STIM1: variants seen among roughly 807,000 people sequenced by gnomAD.
The protein encoded by STIM1 is stromal interaction molecule 1.
In STIM1, 25 loss-of-function variants were observed where a neutral mutation model predicts 74.7. That is an observed-to-expected ratio of 0.33 (90% CI 0.24 to 0.47). The LOEUF (loss-of-function observed/expected upper bound fraction) is 0.47. Among genes scored for constraint, STIM1 ranks in the 20% least tolerant of loss-of-function variants. The pLI, the probability that STIM1 is intolerant of heterozygous loss-of-function variation, is 1.00. For missense variants in STIM1, 728 were observed against 920.8 expected (o/e 0.79, Z 2.71); for synonymous variants, 328 against 348.8 (o/e 0.94, Z 0.66).
At chr11:3,990,923 G>A (rs1035530020) in intron 2 of STIM1, among the ~76,000 whole-genome samples, 3 of 152,100 alleles carry the variant, frequency 2.0e-5, no homozygotes, top group Non-Finnish European at 4.4e-5. Flanking sequence ...GATAGTGACC[G>A]TAGCATCCAA....
At chr11:3,993,677 A>AT (rs2093635553) in intron 2 of STIM1, among the ~76,000 whole-genome samples, 1 of 152,060 alleles carries the variant, frequency 6.6e-6, no homozygotes, top group African/African-American at 2.4e-5. Context: ...AAACGAAACA[A>AT]AAACCCCAAA....
At chr11:3,923,209 C>T (rs1028771706) in intron 1 of STIM1, among the ~76,000 whole-genome samples, 1 of 152,014 alleles carries the variant, frequency 6.6e-6, no homozygotes, top group South Asian at 2.1e-4. Context: ...GTTAGATCTG[C>T]AATCCATCTG....
chr11:3,883,452 C>G (rs938918017), intron 1 of STIM1, among the ~76,000 whole-genome samples: 4 of 152,214 alleles, frequency 2.6e-5, no homozygotes, highest in Admixed American at 1.3e-4. Context: ...GCCTTCCGTT[C>G]AAGCAGTTCT....
chr11:4,006,698 G>A (rs902332247), intron 2 of STIM1, among the ~76,000 whole-genome samples: 1 of 152,206 alleles, frequency 6.6e-6, no homozygotes, highest in Non-Finnish European at 1.5e-5. Flanking sequence ...ACAGGTGTGA[G>A]CCACTGTGCC....
intron 1 of STIM1, among the ~76,000 whole-genome samples, chr11:3,954,701 G>A (rs1012987738): frequency 1.3e-5 from 2 of 152,154 alleles, no homozygotes; most frequent in Admixed American, 6.5e-5. Context: ...CTTCCATACC[G>A]AAAGAATTCT....
intron 1 of STIM1, among the ~76,000 whole-genome samples, chr11:3,962,229 G>A (rs184402139): frequency 2.0e-4 from 30 of 152,074 alleles, no homozygotes; most frequent in African/African-American, 4.8e-4. Flanking sequence ...GTCCCTTACC[G>A]TCCTCCCCCA....
intron 1 of STIM1, among the ~76,000 whole-genome samples, chr11:3,954,357 C>T (rs1002919138): frequency 6.6e-6 from 1 of 152,062 alleles, no homozygotes; most frequent in African/African-American, 2.4e-5. Context: ...TTTGTTTGTT[C>T]GTTCAACAAA....
At chr11:4,025,926 A>G (rs759887742) in intron 3 of STIM1, among the ~76,000 whole-genome samples, 7 of 152,190 alleles carry the variant, frequency 4.6e-5, no homozygotes, top group African/African-American at 1.7e-4. Context: ...CAGCTGAGAA[A>G]TGATATATAT....
intron 4 of STIM1, chr11:4,058,929 A>G: frequency 1.1e-5 from 12 of 1,131,202 alleles, no homozygotes; most frequent in Non-Finnish European, 1.3e-5. Flanking sequence ...CAGGAAATGC[A>G]TTTATAAATG....
At chr11:4,010,792 C>T (rs2093828180) in intron 2 of STIM1, among the ~76,000 whole-genome samples, 2 of 152,074 alleles carry the variant, frequency 1.3e-5, no homozygotes, top group Non-Finnish European at 2.9e-5. Flanking sequence ...CATAGGTATA[C>T]ATATGCCATG....
intron 3 of STIM1, among the ~76,000 whole-genome samples, chr11:4,024,734 A>T (rs971004396): frequency 8.5e-5 from 13 of 152,182 alleles, no homozygotes; most frequent in African/African-American, 2.9e-4. Flanking sequence ...CTACTGACCC[A>T]TGTTGAGCTT....
chr11:3,872,395 A>G (rs2091134510), intron 1 of STIM1, among the ~76,000 whole-genome samples: 1 of 152,176 alleles, frequency 6.6e-6, no homozygotes, highest in Non-Finnish European at 1.5e-5. Context: ...GTGTGGCTAC[A>G]CTGGCATTAC....
At chr11:4,014,245 T>C (rs1198802642) in intron 2 of STIM1, among the ~76,000 whole-genome samples, 13 of 152,234 alleles carry the variant, frequency 8.5e-5, no homozygotes, top group Admixed American at 8.5e-4. Flanking sequence ...TTCTGGTATG[T>C]TGTGTCTTTG....
intron 1 of STIM1, among the ~76,000 whole-genome samples, chr11:3,883,319 T>C (rs1565100377): frequency 6.6e-6 from 1 of 152,340 alleles, no homozygotes; most frequent in Non-Finnish European, 1.5e-5. Context: ...CTCCCTTCTA[T>C]GAACATCTCT....
chr11:3,919,427 A>G lies in STIM1; in HGVS notation c.140-48125A>G, dbSNP rs182994770. On this transcript the variant is annotated intron_variant, in intron 1 of 12. Coordinates refer to ENST00000526596, the MANE Select transcript of STIM1 (RefSeq NM_001382567.1). The stretch of plus-strand genomic sequence containing the variant: ...ACCATCTTGGCCAGGCTGGTCTCGA[A>G]CTCCTGACCTCAGGTGATCCACCTG... Among the ~76,000 whole-genome samples, 1,437 of 151,810 alleles carry G rather than the reference A, an allele frequency of 9.5e-3. 26 individuals carry two copies. The highest frequency in any genetic ancestry group is 0.033 in the African/African-American group (1,361 of 41,396).
rs768957704 is a variant in STIM1, at chr11:4,092,572, T to TC, written c.*779dup. 6.5e-6 allele frequency: 1 copy of TC among 152,714 alleles called. No homozygotes were observed. The highest frequency in any genetic ancestry group is 1.5e-5 in the Non-Finnish European group (1 of 68,542). 9.5% of individuals were successfully genotyped at this position (152,714 alleles called of 1,614,324 possible). On this transcript the variant is annotated 3_prime_UTR_variant, in exon 13 of 13. Coordinates refer to ENST00000526596, the MANE Select transcript of STIM1 (RefSeq NM_001382567.1). ...ACACCTGCCTCCCTCTTACCCCTGC[T>TC]CCCCCACACTGCAGGAGGATTTGTC...
intron 2 of STIM1, among the ~76,000 whole-genome samples, chr11:3,975,312 C>T (rs575302274): frequency 7.6e-4 from 115 of 152,186 alleles, no homozygotes; most frequent in Non-Finnish European, 1.3e-3. Flanking sequence ...TCTCAAAACT[C>T]GACAATAGAA....
Position 4,084,655 on chromosome 11 carries a change from C to T in STIM1, c.1475-18C>T, listed in dbSNP as rs1344222650. ...AAATCAGATTCTCTTCTCCTTTTGG[C>T]CTGGCTGTTGACCCTAGATGCTGCC... On this transcript the variant is annotated intron_variant, in intron 10 of 12. Coordinates refer to ENST00000526596, the MANE Select transcript of STIM1 (RefSeq NM_001382567.1). The T allele has an allele frequency of 1.6e-6, 2 of 1,288,870 alleles. No homozygotes were observed. Among genetic ancestry groups the T allele is most frequent in the Non-Finnish European group, 2.0e-6 (2 of 988,526 alleles). 79.8% of individuals were successfully genotyped at this position (1,288,870 alleles called of 1,614,324 possible).
rs187791162 is a variant in STIM1, at chr11:3,906,831, C to T, written c.139+50422C>T. On this transcript the variant is annotated intron_variant, in intron 1 of 12. Transcript: ENST00000526596. ...AAGCAATAAGTAGATGTCTTACCAT[C>T]GATAAGATAACAATCTTTTAAGATA... Among the ~76,000 whole-genome samples, 616 of 152,084 alleles carry T rather than the reference C, an allele frequency of 4.1e-3. 1 individual carries two copies. The highest frequency in any genetic ancestry group is 0.014 in the African/African-American group (591 of 41,458).
Sources: allele counts gnomAD v4.1 joint callset (sites outside exome capture counted in the v4.1 genomes callset), GRCh38; gene constraint gnomAD v4.1.1; transcripts MANE v1.5; gene names NCBI Gene and HGNC (gene_info 2026-07-23, HGNC 2026-07-21).